Variants in SGK2 observed in about 807,000 individuals in gnomAD.
SGK2 encodes serine/threonine-protein kinase Sgk2.
A neutral mutation model predicts 47.5 loss-of-function variants in SGK2; 36 were observed. The ratio of observed to expected loss-of-function variants is 0.76; its 90% CI spans 0.58 to 1.00. SGK2 has a LOEUF of 1.00. Ranked by LOEUF, SGK2 falls within the 50% of genes least tolerant of loss-of-function variation. The probability of loss-of-function intolerance (pLI) is 0.00; values close to 1 mark genes in which losing one functional copy is unlikely to be tolerated. For synonymous variants in SGK2, 157 were observed against 181.9 expected (o/e 0.86, Z 1.10); for missense variants, 404 against 467.4 (o/e 0.86, Z 1.25).
chr20:43,585,201 G>C lies in SGK2; in HGVS notation c.*185G>C. 1 of 504,094 alleles carries C rather than the reference G, an allele frequency of 2.0e-6. No individual in the cohort carries two copies. The highest frequency in any genetic ancestry group is 3.5e-6 in the Non-Finnish European group (1 of 286,178). 31.2% of individuals were successfully genotyped at this position (504,094 alleles called of 1,614,324 possible). A position where few individuals can be genotyped will look rare whatever the true frequency, so the allele number is the denominator to read the frequency against. On this transcript the variant is annotated 3_prime_UTR_variant, in exon 13 of 13. Coordinates refer to ENST00000373100, the MANE Select transcript of SGK2 (RefSeq NM_170693.3). ...GGCAGGACAGGTCATCAGATACTCA[G>C]AGGCTGTATCTCTGCCCTGCCAACC...
intron 8 of SGK2, 112 bp downstream of exon 8, chr20:43,571,172 T>G: frequency 6.6e-7 from 1 of 1,523,258 alleles, no homozygotes. Flanking sequence ...TGTACATGTA[T>G]GCATATAGGT....
rs1600997103 is a variant in SGK2, at chr20:43,576,322, C to T, written c.792C>T (p.Leu264=). 6.2e-7 allele frequency: 1 copy of T among 1,614,232 alleles called. No homozygotes were observed. Among genetic ancestry groups the T allele is most frequent in the African/African-American group, 1.3e-5 (1 of 75,074 alleles). ...GCCGGACAGTGGCCGCCTGTGACCT[C>T]CTGCAAAGCCTTCTCCACAAGGACC... is the stretch of plus-strand genomic sequence containing the variant. The part of the protein sequence containing the change: ...PGGRTVAACD[L]LQSLLHKDQR... Residue 264 remains leucine, a synonymous_variant, in exon 11 of 13, where the codon CTC becomes CTT. Coordinates refer to ENST00000373100, the MANE Select transcript of SGK2 (RefSeq NM_170693.3).
At chr20:43,563,269 G>A (rs946220314) in intron 1 of SGK2, among the ~76,000 whole-genome samples, 3 of 152,138 alleles carry the variant, frequency 2.0e-5, no homozygotes, top group Admixed American at 6.5e-5. Context: ...TAAGCCCTGG[G>A]ATAGGCCTGT....
At chr20:43,583,397 T>A (rs2145562478) in intron 12 of SGK2, 1 of 1,225,524 alleles carries the variant, frequency 8.2e-7, no homozygotes, top group African/African-American at 1.6e-5. Flanking sequence ...AGTATCATTT[T>A]CTTCTACAGT....
chr20:43,572,257 G>A lies in SGK2; in HGVS notation c.597+120G>A. The A allele has an allele frequency of 1.3e-6, 1 of 743,040 alleles. No individual in the cohort carries two copies. The highest frequency in any genetic ancestry group is 2.3e-6 in the Non-Finnish European group (1 of 430,296). The allele number at this position is 743,040 out of a possible 1,614,324, so 46.0% of individuals were successfully genotyped here. A position where few individuals can be genotyped will look rare whatever the true frequency, so the allele number is the denominator to read the frequency against. On this transcript the variant is annotated intron_variant, in intron 9 of 12. Coordinates refer to ENST00000373100, the MANE Select transcript of SGK2 (RefSeq NM_170693.3). The surrounding 1 kb of genome is among the most constrained non-coding windows in gnomAD (Gnocchi z 4.2). Reference sequence around the variant, plus strand: ...CCTTTGACCCAAACACTTCTCCTGAGTGGGCTATACACTGAACTGTGGTTT... The same window carrying A: ...CCTTTGACCCAAACACTTCTCCTGAATGGGCTATACACTGAACTGTGGTTT...
At position 43,585,091 on chromosome 20, in the gene SGK2, A is replaced by ACTC. The variant is rs1259457479; in HGVS notation, c.*76_*78dup. 1 of 1,365,826 alleles carries ACTC rather than the reference A, an allele frequency of 7.3e-7. No individual in the cohort carries two copies. The highest frequency in any genetic ancestry group is 2.2e-5 in the Admixed American group (1 of 45,962). The allele number at this position is 1,365,826 out of a possible 1,614,324, so 84.6% of individuals were successfully genotyped here. On this transcript the variant is annotated 3_prime_UTR_variant, in exon 13 of 13. Coordinates refer to ENST00000373100, the MANE Select transcript of SGK2 (RefSeq NM_170693.3). ...TTACCTTCAGCTGCTAGGAAGAGCG[A>ACTC]CTCAAACTAACAATGGCTTCAACGA...
Position 43,569,290 on chromosome 20 carries a change from G to A in SGK2, c.229-95G>A, listed in dbSNP as rs915697767. ...CAGGGGCATGAGAAAGTCCTGGGTA[G>A]GATGACCCCCACCCACAAGCTTATA... On this transcript the variant is annotated intron_variant, in intron 5 of 12. Coordinates refer to ENST00000373100, the MANE Select transcript of SGK2 (RefSeq NM_170693.3). 5.3e-6 allele frequency: 8 copies of A among 1,503,516 alleles called. No individual in the cohort carries two copies. In the East Asian group the frequency reaches 9.1e-5, roughly 17 times the overall value. The allele number at this position is 1,503,516 out of a possible 1,614,324, so 93.1% of individuals were successfully genotyped here. A position where few individuals can be genotyped will look rare whatever the true frequency, so the allele number is the denominator to read the frequency against.
rs191458958 is a variant in SGK2, at chr20:43,562,468, C to T, written c.-24+3309C>T. On this transcript the variant is annotated intron_variant, in intron 1 of 12. Coordinates refer to ENST00000373100, the MANE Select transcript of SGK2 (RefSeq NM_170693.3). The stretch of plus-strand genomic sequence containing the variant: ...AAGATTGAGATGCTTTGGCTGGGCA[C>T]GGTGGCTCACACCTGTAATCCCAGC... Among the ~76,000 whole-genome samples, 6 of 147,114 alleles carry T rather than the reference C, an allele frequency of 4.1e-5. No homozygotes were observed. In the East Asian group the frequency reaches 8.0e-4, roughly 20 times the overall value.
chr20:43,568,808 T>A (rs1413170210), intron 5 of SGK2, among the ~76,000 whole-genome samples: 3 of 152,152 alleles, frequency 2.0e-5, no homozygotes, highest in African/African-American at 7.2e-5. Flanking sequence ...TGACCTGAGT[T>A]CCTTTAACAC....
Position 43,564,480 on chromosome 20 carries a change from C to T in SGK2, c.-23-1993C>T, listed in dbSNP as rs950927046. ...CACAGGCCCCCTAGCCGCACGCATG[C>T]GTGCATGCACGCGCGCACACACATA... On this transcript the variant is annotated intron_variant, in intron 1 of 12. Coordinates refer to ENST00000373100, the MANE Select transcript of SGK2 (RefSeq NM_170693.3). Among the ~76,000 whole-genome samples, 3 of 151,948 alleles carry T rather than the reference C, an allele frequency of 2.0e-5. No homozygotes were observed. In the East Asian group the frequency reaches 5.8e-4, roughly 29 times the overall value.
chr20:43,575,825 A>G (rs572191131), intron 10 of SGK2, among the ~76,000 whole-genome samples: 33 of 152,250 alleles, frequency 2.2e-4, no homozygotes, highest in African/African-American at 7.5e-4. Flanking sequence ...GACCCTGGAT[A>G]TGGTTTGGGG....
chr20:43,579,885 G>A (rs926573026), intron 11 of SGK2, 87 bp from the exon 12 acceptor site: 2 of 827,942 alleles, frequency 2.4e-6, no homozygotes, highest in Non-Finnish European at 2.1e-6. Context: ...AGTTGCTTGT[G>A]GAGCTCTGGA....
At chr20:43,562,964 C>T (rs879413619) in intron 1 of SGK2, among the ~76,000 whole-genome samples, 4 of 151,984 alleles carry the variant, frequency 2.6e-5, no homozygotes, top group Admixed American at 2.0e-4. Flanking sequence ...GAAACCCCAT[C>T]TCTACTTAAA....
chr20:43,580,158 C>A (rs191817430), intron 12 of SGK2, 97 bp downstream of exon 12: 2 of 718,052 alleles, frequency 2.8e-6, no homozygotes, highest in Non-Finnish European at 4.7e-6. Context: ...ACTTGGGGGT[C>A]CAAGAAGCTC....
Position 43,562,480 on chromosome 20 carries a change from C to T in SGK2, c.-24+3321C>T, listed in dbSNP as rs994787591. Among the ~76,000 whole-genome samples the T allele has an allele frequency of 2.0e-5, 3 of 149,868 alleles. No homozygotes were observed. In the East Asian group the frequency reaches 5.8e-4, roughly 29 times the overall value. On this transcript the variant is annotated intron_variant, in intron 1 of 12. Transcript: ENST00000373100. ...CTTTGGCTGGGCACGGTGGCTCACA[C>T]CTGTAATCCCAGCACTTTGGGAGGC...
At chr20:43,576,434 G>A in intron 11 of SGK2, 55 bp downstream of exon 11, 3 of 1,520,906 alleles carry the variant, frequency 2.0e-6, no homozygotes, top group African/African-American at 1.4e-5. Context: ...GCTTCCTGCA[G>A]AGGCAGCTCA....
At chr20:43,583,279 A>G in intron 12 of SGK2, 3 of 1,289,802 alleles carry the variant, frequency 2.3e-6, no homozygotes, top group Non-Finnish European at 3.0e-6. Context: ...AGAGAGAACC[A>G]TACATGGAAT....
chr20:43,563,078 A>G (rs537893347), intron 1 of SGK2, among the ~76,000 whole-genome samples: 155 of 151,136 alleles, frequency 1.0e-3, no homozygotes, highest in Middle Eastern at 0.01. Flanking sequence ...AGAGGTTGCA[A>G]TGAGTTGAGA....
At chr20:43,579,930 G>A (rs1444440952) in intron 11 of SGK2, 42 bp from the exon 12 acceptor site, 2 of 1,348,668 alleles carry the variant, frequency 1.5e-6, no homozygotes, top group East Asian at 2.3e-5. Context: ...CCCATGGGGA[G>A]GGCTACTTCT....
Sources: allele counts gnomAD v4.1 joint callset (sites outside exome capture counted in the v4.1 genomes callset), GRCh38; gene constraint gnomAD v4.1.1; non-coding constraint Gnocchi (gnomAD v3.1); transcripts MANE v1.5; gene names NCBI Gene and HGNC (gene_info 2026-07-23, HGNC 2026-07-21).